B3GALT1: variants seen among roughly 807,000 people sequenced by gnomAD.
The protein encoded by B3GALT1 is beta-1,3-galactosyltransferase 1.
Under a neutral mutation model 23.2 loss-of-function variants are expected in B3GALT1, and 10 were observed. The ratio of observed to expected loss-of-function variants is 0.43; its 90% CI spans 0.27 to 0.73. B3GALT1 has a LOEUF of 0.73. Among genes scored for constraint, B3GALT1 ranks in the 30% least tolerant of loss-of-function variants. B3GALT1 has a pLI of 0.21. For synonymous variants in B3GALT1, 156 were observed against 141.5 expected (o/e 1.10, Z -0.73); for missense variants, 299 against 405.4 (o/e 0.74, Z 2.25).
At chr2:167,665,533 G>A (rs1275344663) in intron 3 of B3GALT1, among the ~76,000 whole-genome samples, 6 of 151,056 alleles carry the variant, frequency 4.0e-5, no homozygotes, top group South Asian at 2.1e-4. Flanking sequence ...GTTTCAGAAG[G>A]AATGGTACCA....
chr2:167,303,412 T>G (rs1696486662), intron 1 of B3GALT1, among the ~76,000 whole-genome samples: 1 of 152,146 alleles, frequency 6.6e-6, no homozygotes, highest in African/African-American at 2.4e-5. Flanking sequence ...ATGTGTCAAC[T>G]TGACTGGTCT....
intron 4 of B3GALT1, among the ~76,000 whole-genome samples, chr2:167,820,983 C>T (rs1218062860): frequency 1.3e-5 from 2 of 152,132 alleles, no homozygotes. Context: ...TTATCTCTGC[C>T]TCTGGATTAT....
chr2:167,726,709 A>G (rs1687322469), intron 3 of B3GALT1, among the ~76,000 whole-genome samples: 1 of 152,216 alleles, frequency 6.6e-6, no homozygotes, highest in Non-Finnish European at 1.5e-5. Flanking sequence ...AATTAATAAC[A>G]TGTCTAATTT....
At chr2:167,868,700 C>G (rs558613333) in intron 4 of B3GALT1, among the ~76,000 whole-genome samples, 111 bp from the exon 5 acceptor site, 2 of 152,186 alleles carry the variant, frequency 1.3e-5, no homozygotes, top group East Asian at 3.9e-4. Flanking sequence ...AATGAATGAT[C>G]ATGTGTATTT....
At chr2:167,763,175 T>C (rs1010208471) in intron 3 of B3GALT1, among the ~76,000 whole-genome samples, 2 of 152,210 alleles carry the variant, frequency 1.3e-5, no homozygotes, top group African/African-American at 2.4e-5. Flanking sequence ...CCAGAATGTA[T>C]ACGGGGTTAT....
At chr2:167,826,706 A>G (rs1460976978) in intron 4 of B3GALT1, among the ~76,000 whole-genome samples, 4 of 152,216 alleles carry the variant, frequency 2.6e-5, no homozygotes, top group African/African-American at 7.2e-5. Flanking sequence ...CTGAGGCCTC[A>G]ACCAACCGTG....
chr2:167,449,285 T>C (rs1699052111), intron 1 of B3GALT1, among the ~76,000 whole-genome samples: 1 of 152,172 alleles, frequency 6.6e-6, no homozygotes, highest in Admixed American at 6.5e-5. Context: ...TTTTGTAGTT[T>C]CCTTATAGAG....
chr2:167,798,157 C>G (rs7594948), intron 3 of B3GALT1, among the ~76,000 whole-genome samples: 31,214 of 152,102 alleles, frequency 0.21, 3,732 homozygotes, highest in African/African-American at 0.31. Context: ...TTGTAAATTT[C>G]TTTAAGTTTC....
intron 2 of B3GALT1, among the ~76,000 whole-genome samples, chr2:167,562,104 C>G (rs182969479): frequency 2.1e-4 from 32 of 152,298 alleles, no homozygotes; most frequent in African/African-American, 6.7e-4. Context: ...AAAGCTTATC[C>G]ACCATGATCA....
chr2:167,336,418 A>G (rs62194879), intron 1 of B3GALT1, among the ~76,000 whole-genome samples: 2 of 152,266 alleles, frequency 1.3e-5, no homozygotes, highest in East Asian at 1.9e-4. Flanking sequence ...TTGTCATTCA[A>G]ATTCGTCTCT....
At chr2:167,394,700 A>G (rs1436776279) in intron 1 of B3GALT1, among the ~76,000 whole-genome samples, 3 of 152,312 alleles carry the variant, frequency 2.0e-5, no homozygotes, top group South Asian at 2.1e-4. Flanking sequence ...ACTCCACTCA[A>G]TGCTCCCAAA....
chr2:167,440,920 C>A (rs1698883729), intron 1 of B3GALT1, among the ~76,000 whole-genome samples: 2 of 151,926 alleles, frequency 1.3e-5, no homozygotes, highest in African/African-American at 4.8e-5. Context: ...GATTCAGCTT[C>A]TTTTTTGAAC....
chr2:167,435,954 AACACAC>A (rs66661618), intron 1 of B3GALT1, among the ~76,000 whole-genome samples: 2,826 of 139,284 alleles, frequency 0.02, 39 homozygotes, highest in Non-Finnish European at 0.029. Context: ...CACACACACA[AACACAC>A]ACACACACAC....
intron 2 of B3GALT1, among the ~76,000 whole-genome samples, chr2:167,626,542 G>A (rs1244377804): frequency 1.3e-5 from 2 of 151,586 alleles, no homozygotes; most frequent in Admixed American, 1.3e-4. Flanking sequence ...GATCTGGAGA[G>A]AACATACAGT....
intron 2 of B3GALT1, among the ~76,000 whole-genome samples, chr2:167,588,522 GT>G (rs1259887734): frequency 6.6e-6 from 1 of 152,068 alleles, no homozygotes; most frequent in African/African-American, 2.4e-5. Context: ...AAGGGTGACA[GT>G]TTTCCACACT....
In B3GALT1 at chr2:167,826,903, C is replaced by T. The variant is rs11893571; in HGVS notation, c.-230+8110C>T. ...ATGTAGGTTATATGCAAATCCTGCACCATGTTATATAAGGAACTTAAGCAT... is the reference window on the plus strand; with the variant it reads ...ATGTAGGTTATATGCAAATCCTGCATCATGTTATATAAGGAACTTAAGCAT... On this transcript the variant is annotated intron_variant, in intron 4 of 4. Coordinates refer to ENST00000392690, the MANE Select transcript of B3GALT1 (RefSeq NM_020981.4). Among the ~76,000 whole-genome samples, 823 of 152,208 alleles carry T rather than the reference C, an allele frequency of 5.4e-3. 14 individuals carry two copies. The highest frequency in any genetic ancestry group is 0.019 in the African/African-American group (793 of 41,532).
Position 167,714,426 on chromosome 2 carries a change from G to C in B3GALT1, c.-352+67460G>C. 1.9e-6 allele frequency: 3 copies of C among 1,568,860 alleles called. No homozygotes were observed. The South Asian group carries it at 3.3e-5, about 17-fold the overall frequency. On this transcript the variant is annotated intron_variant, in intron 3 of 4. Coordinates refer to ENST00000392690, the MANE Select transcript of B3GALT1 (RefSeq NM_020981.4). ...CCTCCCCCTGGAAGCACAGGTGAGA[G>C]TCTGAGTGGATCCTCCAACAAAGTT...
At chr2:167,391,650 G>A (rs1016847325) in intron 1 of B3GALT1, among the ~76,000 whole-genome samples, 1 of 152,088 alleles carries the variant, frequency 6.6e-6, no homozygotes, top group Non-Finnish European at 1.5e-5. Flanking sequence ...TTAGAGGATC[G>A]ATAATGTACA....
rs1290388062 is a variant in B3GALT1 at position 167,715,544 on chromosome 2, T to G, written c.-352+68578T>G. 25 of 1,613,756 alleles carry G rather than the reference T, an allele frequency of 1.5e-5. 1 individual carries two copies. Among genetic ancestry groups the G allele is most frequent in the South Asian group, 1.1e-4 (10 of 91,070 alleles). ...GGATTTTGACTCATCTTCTAGAGAT[T>G]GTATCCTTTTTGAAATATCTGCCAT... On this transcript the variant is annotated intron_variant, in intron 3 of 4. Coordinates refer to ENST00000392690, the MANE Select transcript of B3GALT1 (RefSeq NM_020981.4).
Sources: gnomAD v4.1 joint callset for allele counts (sites outside exome capture counted in the v4.1 genomes callset) on GRCh38, gnomAD v4.1.1 for gene constraint, MANE v1.5 for transcripts, NCBI Gene and HGNC (gene_info 2026-07-23, HGNC 2026-07-21) for gene names.